Variants in TDRD3 observed in about 807,000 individuals in gnomAD.
TDRD3 encodes tudor domain containing 3, also known as tudor domain-containing protein 3.
A neutral mutation model predicts 86.7 loss-of-function variants in TDRD3; 45 were observed. That is an observed-to-expected ratio of 0.52 (90% CI 0.41 to 0.67). The LOEUF is 0.67. Among genes scored for constraint, TDRD3 ranks in the 30% least tolerant of loss-of-function variants. TDRD3 has a pLI of 0.00. For synonymous variants in TDRD3, 298 were observed against 301.7 expected (o/e 0.99, Z 0.13); for missense variants, 814 against 889.0 (o/e 0.92, Z 1.07).
chr13:60,494,493 C>T lies in TDRD3; in HGVS notation c.776C>T (p.Ala259Val). 6.2e-7 allele frequency: 1 copy of T among 1,613,674 alleles called. No individual in the cohort carries two copies. The highest frequency in any genetic ancestry group is 2.2e-5 in the East Asian group (1 of 44,784). ...GARSNLNMNAAGNRNREVLQK... is the reference protein window; with the variant it reads ...GARSNLNMNAVGNRNREVLQK... ...AGAAGTAATCTCAATATGAATGCTGCTGGTAACCGAAATAGGGAAGTTTTA... is the reference window on the plus strand; with the variant it reads ...AGAAGTAATCTCAATATGAATGCTGTTGGTAACCGAAATAGGGAAGTTTTA... Residue 259 changes from alanine (A) to valine (V), a missense_variant, in exon 8 of 14, where the codon GCT becomes GTT. Coordinates refer to ENST00000377881, the MANE Select transcript of TDRD3 (RefSeq NM_001146070.2).
At chr13:60,445,030 A>C (rs1955367904) in intron 3 of TDRD3, among the ~76,000 whole-genome samples, 1 of 151,882 alleles carries the variant, frequency 6.6e-6, no homozygotes, top group Non-Finnish European at 1.5e-5. Flanking sequence ...TGTAATTGGC[A>C]CTCATTACAA....
chr13:60,547,664 C>A (rs1957966031), intron 12 of TDRD3, among the ~76,000 whole-genome samples: 1 of 152,126 alleles, frequency 6.6e-6, no homozygotes, highest in African/African-American at 2.4e-5. Flanking sequence ...CCTCAAATAT[C>A]CCTTTTTAAA....
intron 4 of TDRD3, among the ~76,000 whole-genome samples, chr13:60,464,111 A>G (rs904904387): frequency 6.6e-5 from 10 of 152,090 alleles, no homozygotes; most frequent in African/African-American, 2.4e-4. Context: ...AGTGGAAGCA[A>G]CCTGAAACCC....
chr13:60,484,686 T>A lies in TDRD3; in HGVS notation c.567+840T>A, dbSNP rs1029846717. On this transcript the variant is annotated intron_variant, in intron 6 of 13. Transcript: ENST00000377881. The stretch of plus-strand genomic sequence containing the variant: ...AAAAATAATGTTGATTTTTTTTTTT[T>A]ACTGAGTTTGGAAGAAGAAATAGCC... 4.7e-5 allele frequency: 21 copies of A among 448,160 alleles called. No homozygotes were observed. The East Asian group carries it at 1.3e-3, about 27-fold the overall frequency. 27.8% of individuals were successfully genotyped at this position (448,160 alleles called of 1,614,324 possible).
intron 1 of TDRD3, among the ~76,000 whole-genome samples, chr13:60,408,874 C>A (rs1482720394): frequency 6.6e-6 from 1 of 152,218 alleles, no homozygotes; most frequent in Non-Finnish European, 1.5e-5. Context: ...TGTTAAACCC[C>A]AAGACCATGG....
At position 60,529,182 on chromosome 13, in the gene TDRD3, G is replaced by A. The variant is rs746549596; in HGVS notation, c.1957G>A (p.Asp653Asn). 2.5e-6 allele frequency: 4 copies of A among 1,607,396 alleles called. No homozygotes were observed. Among genetic ancestry groups the A allele is most frequent in the East Asian group, 2.2e-5 (1 of 44,802 alleles). ...MEYAKMWKPGDECFALYWEDN... is the reference protein window; with the variant it reads ...MEYAKMWKPGNECFALYWEDN... ...GTATGCAAAAATGTGGAAACCTGGA[G>A]ATGAATGTTTTGCACTTTATTGGGA... The change falls in exon 11 of 14, where the codon GAT becomes AAT. Residue 653 changes from aspartate (D) to asparagine (N), a missense_variant. Coordinates refer to ENST00000377881, the MANE Select transcript of TDRD3 (RefSeq NM_001146070.2).
At chr13:60,445,968 T>C (rs1955387743) in intron 3 of TDRD3, among the ~76,000 whole-genome samples, 1 of 152,142 alleles carries the variant, frequency 6.6e-6, no homozygotes, top group Admixed American at 6.6e-5. Context: ...CTTTTAAAAG[T>C]TTTGCACAGT....
At chr13:60,548,466 C>T (rs1190768847) in intron 12 of TDRD3, among the ~76,000 whole-genome samples, 1 of 152,152 alleles carries the variant, frequency 6.6e-6, no homozygotes, top group Non-Finnish European at 1.5e-5. Flanking sequence ...GTAATAATAG[C>T]CACTTACATG....
intron 10 of TDRD3, among the ~76,000 whole-genome samples, chr13:60,528,122 C>T (rs1203729992): frequency 6.6e-6 from 1 of 152,002 alleles, no homozygotes. Flanking sequence ...TTGGATTATC[C>T]ATCATTTTTC....
intron 8 of TDRD3, among the ~76,000 whole-genome samples, chr13:60,496,329 A>G (rs1217576001): frequency 1.4e-5 from 1 of 74,000 alleles, no homozygotes; most frequent in Non-Finnish European, 2.8e-5. Flanking sequence ...ATATATATAT[A>G]TATATATATA....
intron 4 of TDRD3, among the ~76,000 whole-genome samples, chr13:60,461,389 G>A (rs1241436249): frequency 1.3e-5 from 2 of 152,098 alleles, no homozygotes; most frequent in Non-Finnish European, 2.9e-5. Context: ...CCAATGGAAT[G>A]GACGAAAACA....
rs118021891 is a variant in TDRD3 at position 60,547,159 on chromosome 13, G to C, written c.2118+11926G>C. ...ATGAGAATTACTATACTTTGAGGTT[G>C]CAATGAATTTCACATAAATGGCAAA... On this transcript the variant is annotated intron_variant, in intron 12 of 13. Coordinates refer to ENST00000377881, the MANE Select transcript of TDRD3 (RefSeq NM_001146070.2). 7.1e-3 allele frequency: 3,795 copies of C among 536,308 alleles called. 22 individuals carry two copies. The highest frequency in any genetic ancestry group is 0.025 in the Middle Eastern group (28 of 1,110). 33.2% of individuals were successfully genotyped at this position (536,308 alleles called of 1,614,324 possible). A position where few individuals can be genotyped will look rare whatever the true frequency, so the allele number is the denominator to read the frequency against.
chr13:60,442,850 C>T (rs9538702), intron 2 of TDRD3, among the ~76,000 whole-genome samples: 3 of 151,708 alleles, frequency 2.0e-5, no homozygotes, highest in East Asian at 1.9e-4. Context: ...CTTTAATTAC[C>T]GTTGGGATGG....
rs916447948 is a variant in TDRD3, at chr13:60,499,134, T to C, written c.858+4559T>C. On this transcript the variant is annotated intron_variant, in intron 8 of 13. Transcript: ENST00000377881. Reference sequence around the variant, plus strand: ...GAAAAATAGTAAATCAAAAACAATATTGCATCCCTGGAGGGATTGCAGAGA... The same window carrying C: ...GAAAAATAGTAAATCAAAAACAATACTGCATCCCTGGAGGGATTGCAGAGA... 7.2e-5 allele frequency among the ~76,000 whole-genome samples: 11 copies of C among 152,064 alleles called. 1 individual carries two copies. Among genetic ancestry groups the C allele is most frequent in the Non-Finnish European group, 1.5e-5 (1 of 68,006 alleles).
upstream of TDRD3, chr13:60,397,161 C>A (rs1360016352): frequency 2.5e-6 from 1 of 402,468 alleles, no homozygotes; most frequent in Non-Finnish European, 4.4e-6. Flanking sequence ...ACCAGGCCGG[C>A]CCCTACGGCC....
At chr13:60,459,698 G>A (rs2138048986) in intron 3 of TDRD3, among the ~76,000 whole-genome samples, 1 of 152,302 alleles carries the variant, frequency 6.6e-6, no homozygotes, top group Non-Finnish European at 1.5e-5. Context: ...TCGGCTCACT[G>A]CAACTTCCAT....
At chr13:60,418,416 A>G (rs754266916) in intron 1 of TDRD3, among the ~76,000 whole-genome samples, 2 of 152,084 alleles carry the variant, frequency 1.3e-5, no homozygotes, top group Non-Finnish European at 2.9e-5. Context: ...ATAATTGTTT[A>G]TATGTTTGTC....
chr13:60,569,216 G>A (rs1346124119), intron 13 of TDRD3, among the ~76,000 whole-genome samples: 1 of 152,082 alleles, frequency 6.6e-6, no homozygotes, highest in East Asian at 1.9e-4. Context: ...CAATCTGCCT[G>A]CCTCAGCCTC....
At chr13:60,501,231 G>A (rs1956824572) in intron 8 of TDRD3, among the ~76,000 whole-genome samples, 1 of 152,118 alleles carries the variant, frequency 6.6e-6, no homozygotes, top group Non-Finnish European at 1.5e-5. Flanking sequence ...GGTGTTGGAC[G>A]ATGACTCTTT....
Sources: gnomAD v4.1 joint callset for allele counts (sites outside exome capture counted in the v4.1 genomes callset) on GRCh38, gnomAD v4.1.1 for gene constraint, MANE v1.5 for transcripts, NCBI Gene and HGNC (gene_info 2026-07-23, HGNC 2026-07-21) for gene names.